C11orf65: variants seen among roughly 807,000 people sequenced by gnomAD.
C11orf65 encodes chromosome 11 open reading frame 65, also known as protein MFI.
In C11orf65, 38 loss-of-function variants were observed where a neutral mutation model predicts 35.3. The observed-to-expected ratio is 1.08, with a 90% CI of 0.83 to 1.41. The LOEUF (loss-of-function observed/expected upper bound fraction) is 1.41, where lower values mean the gene tolerates loss of function less well. C11orf65 is among the 40% of genes most tolerant of loss of function. C11orf65 has a pLI of 0.00. For synonymous variants in C11orf65, 105 were observed against 114.4 expected, an observed-to-expected ratio of 0.92 and a Z score of 0.53; for missense variants, 370 against 367.1, an observed-to-expected ratio of 1.01 and a Z score of -0.06.
In C11orf65 at chr11:108,407,195, G is replaced by GT. The variant is rs576287211; in HGVS notation, c.175-47dup. 138 of 1,295,326 alleles carry GT rather than the reference G, an allele frequency of 1.1e-4. 3 individuals are homozygous for GT. In the South Asian group the frequency reaches 1.9e-3, roughly 18 times the overall value. The allele number at this position is 1,295,326 out of a possible 1,614,324, so 80.2% of individuals were successfully genotyped here. ...CTTATATATTATTCTTCAGGATTCT[G>GT]TATGTATCAATTCACTATTTCTCAC... On this transcript the variant is annotated intron_variant, in intron 3 of 8. Coordinates refer to ENST00000393084, the MANE Select transcript of C11orf65 (RefSeq NM_152587.5).
chr11:108,321,116 T>C (rs2136235165), intron 6 of C11orf65, among the ~76,000 whole-genome samples: 1 of 152,324 alleles, frequency 6.6e-6, no homozygotes, highest in Middle Eastern at 3.4e-3. Context: ...TGCATTTAAA[T>C]TTGTGTTGTT....
At chr11:108,419,980 G>A (rs2092792075) in intron 3 of C11orf65, among the ~76,000 whole-genome samples, 1 of 152,122 alleles carries the variant, frequency 6.6e-6, no homozygotes, top group Non-Finnish European at 1.5e-5. Flanking sequence ...AGGATGACAT[G>A]ATTGTTTATA....
chr11:108,360,711 A>G (rs1433536320), intron 2 of C11orf65, among the ~76,000 whole-genome samples: 4 of 144,602 alleles, frequency 2.8e-5, no homozygotes, highest in African/African-American at 1.0e-4. Flanking sequence ...GATTATCTCA[A>G]TAGATGCAGA....
In C11orf65 at chr11:108,461,581, G is replaced by T; in HGVS notation, c.-9-13C>A. 1.4e-6 allele frequency: 2 copies of T among 1,391,460 alleles called. No individual in the cohort carries two copies. The highest frequency in any genetic ancestry group is 2.0e-6 in the Non-Finnish European group (2 of 999,548). The allele number at this position is 1,391,460 out of a possible 1,614,324, so 86.2% of individuals were successfully genotyped here. A position where few individuals can be genotyped will look rare whatever the true frequency, so the allele number is the denominator to read the frequency against. ...GCATTTGAAATTCCTAAAAGAAAAT[G>T]AGCAAAAAGGGTACATTTAAAATAA... is the stretch of plus-strand genomic sequence containing the variant. On this transcript the variant is annotated splice_polypyrimidine_tract_variant and intron_variant, in intron 1 of 8. Coordinates refer to ENST00000393084, the MANE Select transcript of C11orf65 (RefSeq NM_152587.5).
Position 108,393,355 on chromosome 11 carries a change from G to A in C11orf65, c.584C>T (p.Ala195Val), listed in dbSNP as rs756663517. ...TAGAGTTTCATGATGTGTTGACTTA[G>A]CCTCCAGACTTCCTGAGTAGTACCT... is the stretch of plus-strand genomic sequence containing the variant. ...RQMYYSGSLE[A>V]KSTHHETLGL... The change falls in exon 7 of 9, where the codon GCT becomes GTT. Residue 195 changes from alanine to valine, a missense_variant. Transcript: ENST00000393084. 21 of 1,613,952 alleles carry A rather than the reference G, an allele frequency of 1.3e-5. No homozygotes were observed. Among genetic ancestry groups the A allele is most frequent in the Non-Finnish European group, 1.8e-5 (21 of 1,179,900 alleles).
At chr11:108,424,830 T>A (rs982229151) in intron 3 of C11orf65, among the ~76,000 whole-genome samples, 2 of 152,130 alleles carry the variant, frequency 1.3e-5, no homozygotes, top group East Asian at 3.8e-4. Context: ...TGCAATCAAA[T>A]TAGAACTCCG....
intron 6 of C11orf65, chr11:108,310,089 A>C: frequency 6.6e-7 from 1 of 1,513,340 alleles, no homozygotes; most frequent in South Asian, 1.2e-5. Flanking sequence ...ATTGTATTCT[A>C]TATCAACATG....
At chr11:108,447,372 A>C (rs960594462) in intron 2 of C11orf65, among the ~76,000 whole-genome samples, 27 of 152,126 alleles carry the variant, frequency 1.8e-4, no homozygotes, top group Admixed American at 2.0e-4. Flanking sequence ...AAAATTGACC[A>C]CATAGTTGGA....
intron 2 of C11orf65, among the ~76,000 whole-genome samples, chr11:108,434,207 T>C (rs2135447829): frequency 6.6e-6 from 1 of 152,124 alleles, no homozygotes; most frequent in Middle Eastern, 3.4e-3. Flanking sequence ...GTCATAGCAG[T>C]AGGAATGGAG....
In C11orf65 at chr11:108,455,782, C is replaced by T. The variant is rs2093403957; in HGVS notation, c.81+5697G>A. The stretch of plus-strand genomic sequence containing the variant: ...AGTGAGCTGAGATCACATCACTGCA[C>T]TCCAGCCTGGGTGACAGAGCAAGAC... On this transcript the variant is annotated intron_variant, in intron 2 of 8. Coordinates refer to ENST00000393084, the MANE Select transcript of C11orf65 (RefSeq NM_152587.5). 2.2e-5 allele frequency among the ~76,000 whole-genome samples: 3 copies of T among 135,552 alleles called. No individual in the cohort carries two copies. The Admixed American group carries it at 2.6e-4, about 12-fold the overall frequency. The allele number at this position is 135,552 out of a possible 152,430, so 88.9% of individuals were successfully genotyped here. A position where few individuals can be genotyped will look rare whatever the true frequency, so the allele number is the denominator to read the frequency against.
intron 6 of C11orf65, among the ~76,000 whole-genome samples, chr11:108,311,319 T>C (rs887121483): frequency 2.0e-5 from 3 of 151,944 alleles, no homozygotes; most frequent in Admixed American, 1.3e-4. Context: ...TGTACAGAAA[T>C]GTAGTTGATA....
chr11:108,388,924 T>C (rs2092081187), intron 7 of C11orf65, among the ~76,000 whole-genome samples: 1 of 152,248 alleles, frequency 6.6e-6, no homozygotes, highest in Admixed American at 6.5e-5. Context: ...TTCTTCCAAA[T>C]GATAATAACA....
chr11:108,335,956 TATAAG>T lies in C11orf65; in HGVS notation c.227-669_227-665del, dbSNP rs730881294. Reference sequence around the variant, plus strand: ...GAAGAGGAAATTAACTATCTGTACTTATAAGGTAACTATTTGTACTTCTGTTAGTT... The same window carrying T: ...GAAGAGGAAATTAACTATCTGTACTTGTAACTATTTGTACTTCTGTTAGTT... On this transcript the variant is annotated intron_variant, in intron 2 of 3. Transcript: ENST00000524755. The T allele has an allele frequency of 6.9e-6, 11 of 1,601,372 alleles. No individual in the cohort carries two copies. Among genetic ancestry groups the T allele is most frequent in the Admixed American group, 5.0e-5 (3 of 59,976 alleles).
At chr11:108,359,096 G>A (rs2090393722) in intron 2 of C11orf65, among the ~76,000 whole-genome samples, 2 of 149,226 alleles carry the variant, frequency 1.3e-5, no homozygotes, top group African/African-American at 4.9e-5. Context: ...AAAGGATGGA[G>A]GAAGATCTAC....
At chr11:108,397,592 T>A (rs532874972) in intron 6 of C11orf65, among the ~76,000 whole-genome samples, 50 of 152,298 alleles carry the variant, frequency 3.3e-4, no homozygotes, top group Middle Eastern at 3.4e-3. Flanking sequence ...AAAGCCAGAA[T>A]TCTTTTAGTA....
intron 2 of C11orf65, among the ~76,000 whole-genome samples, chr11:108,441,369 T>G (rs2093151288): frequency 6.6e-6 from 1 of 152,250 alleles, no homozygotes; most frequent in Admixed American, 6.5e-5. Context: ...GAGGCCTGCC[T>G]GCCTCTGTAG....
chr11:108,356,333 C>A (rs558536804), intron 2 of C11orf65, among the ~76,000 whole-genome samples: 3 of 152,180 alleles, frequency 2.0e-5, no homozygotes, highest in African/African-American at 7.2e-5. Flanking sequence ...GTCAGGAGTT[C>A]AAGACCAGTT....
chr11:108,449,418 G>A (rs1226400221), intron 2 of C11orf65, among the ~76,000 whole-genome samples: 1 of 151,908 alleles, frequency 6.6e-6, no homozygotes, highest in Non-Finnish European at 1.5e-5. Context: ...AAACAGCATG[G>A]TACTGGTACC....
intron 6 of C11orf65, among the ~76,000 whole-genome samples, chr11:108,395,071 C>T (rs1038264568): frequency 2.6e-5 from 4 of 151,692 alleles, no homozygotes; most frequent in Non-Finnish European, 5.9e-5. Context: ...TTCAAGGCTG[C>T]GGTCAGCTAT....
Sources: gnomAD v4.1 joint callset for allele counts (sites outside exome capture counted in the v4.1 genomes callset) on GRCh38, gnomAD v4.1.1 for gene constraint, MANE v1.5 for transcripts, NCBI Gene and HGNC (gene_info 2026-07-23, HGNC 2026-07-21) for gene names.